SLC4A4: variants seen among roughly 807,000 people sequenced by gnomAD.
The protein encoded by SLC4A4 is solute carrier family 4 member 4.
In SLC4A4, 27 loss-of-function variants were observed where a neutral mutation model predicts 111.5. The observed-to-expected ratio is 0.24, with a 90% confidence interval of 0.18 to 0.33. SLC4A4 has a LOEUF of 0.33. SLC4A4 is among the 10% of genes least tolerant of loss of function. The pLI is 1.00. For missense variants in SLC4A4, 909 were observed against 1,315.5 expected (o/e 0.69, Z 4.78); for synonymous variants, 443 against 463.4 (o/e 0.96, Z 0.57).
At chr4:71,409,457 G>C (rs1361314178) in intron 7 of SLC4A4, among the ~76,000 whole-genome samples, 4 of 152,206 alleles carry the variant, frequency 2.6e-5, no homozygotes, top group African/African-American at 9.7e-5. Flanking sequence ...AAAGAGACTG[G>C]AGGCATTCTG....
intron 9 of SLC4A4, among the ~76,000 whole-genome samples, chr4:71,448,475 A>G (rs1725459213): frequency 6.6e-6 from 1 of 152,158 alleles, no homozygotes; most frequent in African/African-American, 2.4e-5. Flanking sequence ...AAAATGGATA[A>G]TGCATTTTTT....
At chr4:71,327,463 A>C (rs1393183103) in intron 3 of SLC4A4, among the ~76,000 whole-genome samples, 1 of 152,026 alleles carries the variant, frequency 6.6e-6, no homozygotes, top group Non-Finnish European at 1.5e-5. Context: ...ATCTTGAGGA[A>C]GTCCCTTACC....
At chr4:71,224,748 A>G (rs1718951030) in intron 1 of SLC4A4, among the ~76,000 whole-genome samples, 1 of 152,200 alleles carries the variant, frequency 6.6e-6, no homozygotes, top group Non-Finnish European at 1.5e-5. Flanking sequence ...AATTATAAGA[A>G]GGCATATATG....
At chr4:71,253,314 TATTAA>T (rs1721209005) in intron 2 of SLC4A4, among the ~76,000 whole-genome samples, 1 of 152,310 alleles carries the variant, frequency 6.6e-6, no homozygotes, top group African/African-American at 2.4e-5. Flanking sequence ...ATAGACTGTC[TATTAA>T]ATGATTTGAT....
intron 3 of SLC4A4, among the ~76,000 whole-genome samples, chr4:71,281,894 C>T: frequency 6.6e-6 from 1 of 150,634 alleles, no homozygotes; most frequent in Non-Finnish European, 1.5e-5. Context: ...GTGACTGAGG[C>T]AAGGGTCATT....
chr4:71,117,571 C>T (rs1488476505), intron 2 of SLC4A4, among the ~76,000 whole-genome samples: 49 of 152,122 alleles, frequency 3.2e-4, no homozygotes, highest in Admixed American at 3.1e-3. Flanking sequence ...TCTCTCTTTC[C>T]TCTAGAGACT....
At chr4:71,510,390 G>C (rs773840657) in intron 16 of SLC4A4, among the ~76,000 whole-genome samples, 4 of 152,108 alleles carry the variant, frequency 2.6e-5, no homozygotes, top group Non-Finnish European at 5.9e-5. Context: ...GTCCCTTTTT[G>C]TGGAGTGGAT....
rs1346086102 is a variant in SLC4A4 at position 71,307,371 on chromosome 4, G to A, written c.254-31999G>A. Among the ~76,000 whole-genome samples, 9 of 152,278 alleles carry A rather than the reference G, an allele frequency of 5.9e-5. No individual in the cohort carries two copies. The East Asian group carries it at 1.5e-3, about 26-fold the overall frequency. On this transcript the variant is annotated intron_variant, in intron 3 of 25. Coordinates refer to ENST00000264485, the MANE Select transcript of SLC4A4 (RefSeq NM_001098484.3). ...ATCTGTGTTTTTAATTATTTAAGGT[G>A]AATCGCTGATGAGACCTGGTTGGAA...
At chr4:71,157,830 G>A (rs1432303863) in intron 2 of SLC4A4, among the ~76,000 whole-genome samples, 1 of 152,088 alleles carries the variant, frequency 6.6e-6, no homozygotes, top group Non-Finnish European at 1.5e-5. Context: ...TTGCTTGCTG[G>A]CATCTCTAAC....
chr4:71,067,734 A>G (rs1280661954), intron 1 of SLC4A4, among the ~76,000 whole-genome samples: 1 of 152,088 alleles, frequency 6.6e-6, no homozygotes, highest in Non-Finnish European at 1.5e-5. Context: ...TAGTTTATAT[A>G]AAGTCTGTGC....
At chr4:71,324,264 C>A (rs1171922812) in intron 3 of SLC4A4, among the ~76,000 whole-genome samples, 2 of 151,920 alleles carry the variant, frequency 1.3e-5, no homozygotes, top group Non-Finnish European at 2.9e-5. Flanking sequence ...TGTTTAGTTT[C>A]ATCATTAGTT....
At chr4:71,563,368 C>T in intron 23 of SLC4A4, among the ~76,000 whole-genome samples, 1 of 34,612 alleles carries the variant, frequency 2.9e-5, no homozygotes, top group East Asian at 4.8e-4. Flanking sequence ...AAAGATCGGT[C>T]ATGATTTTAT....
intron 2 of SLC4A4, among the ~76,000 whole-genome samples, chr4:71,146,050 T>G (rs1744156097): frequency 6.6e-6 from 1 of 152,216 alleles, no homozygotes; most frequent in Non-Finnish European, 1.5e-5. Flanking sequence ...AGGGTGTCAA[T>G]TTTAGATCTT....
At chr4:71,206,271 C>CTAGG (rs147199859) in intron 1 of SLC4A4, among the ~76,000 whole-genome samples, 14,684 of 152,064 alleles carry the variant, frequency 0.097, 1,043 homozygotes, top group Admixed American at 0.24. Context: ...GACCAAAAGA[C>CTAGG]TAGGGTATTT....
At chr4:71,098,060 T>C (rs1423882243) in intron 2 of SLC4A4, among the ~76,000 whole-genome samples, 1 of 152,218 alleles carries the variant, frequency 6.6e-6, no homozygotes, top group African/African-American at 2.4e-5. Context: ...GTGCTTTTGT[T>C]GTGATGGCTT....
intron 3 of SLC4A4, among the ~76,000 whole-genome samples, chr4:71,301,550 A>G (rs2148840731): frequency 1.3e-5 from 2 of 152,326 alleles, no homozygotes; most frequent in Non-Finnish European, 2.9e-5. Flanking sequence ...TCCAGATAGT[A>G]GTGTCTCTAC....
chr4:71,273,150 T>A (rs1057013077), intron 3 of SLC4A4, among the ~76,000 whole-genome samples: 1 of 152,176 alleles, frequency 6.6e-6, no homozygotes, highest in Non-Finnish European at 1.5e-5. Flanking sequence ...AATTATTAAC[T>A]CCATTTTATA....
At chr4:71,114,656 G>A (rs1409510637) in intron 2 of SLC4A4, among the ~76,000 whole-genome samples, 1 of 149,992 alleles carries the variant, frequency 6.7e-6, no homozygotes, top group Non-Finnish European at 1.5e-5. Context: ...ACACCAGTTA[G>A]AAAGGCAATC....
At chr4:71,127,536 C>T (rs1387115550) in intron 2 of SLC4A4, among the ~76,000 whole-genome samples, 3 of 152,118 alleles carry the variant, frequency 2.0e-5, no homozygotes, top group Non-Finnish European at 2.9e-5. Flanking sequence ...ATCACATTGT[C>T]ACCAAGTGTT....
Sources: allele counts gnomAD v4.1 joint callset (sites outside exome capture counted in the v4.1 genomes callset), GRCh38; gene constraint gnomAD v4.1.1; transcripts MANE v1.5; gene names NCBI Gene and HGNC (gene_info 2026-07-23, HGNC 2026-07-21).